The following TMEM132C variants were observed in gnomAD, a reference collection of about 807,000 sequenced individuals.
TMEM132C encodes transmembrane protein 132C.
TMEM132C carries 29 observed loss-of-function variants against 61.4 expected under a neutral mutation model. The observed-to-expected ratio is 0.47, with a 90% CI of 0.35 to 0.64. The LOEUF (loss-of-function observed/expected upper bound fraction) is 0.64. Ranked by LOEUF, TMEM132C falls within the 30% of genes least tolerant of loss-of-function variation. TMEM132C has a pLI of 0.00. For missense variants in TMEM132C, 1,408 were observed against 1,476.9 expected, an observed-to-expected ratio of 0.95 and a Z score of 0.76; for synonymous variants, 656 against 633.1, an observed-to-expected ratio of 1.04 and a Z score of -0.54.
At chr12:128,352,294 G>A (rs1873360962) in intron 1 of TMEM132C, among the ~76,000 whole-genome samples, 1 of 152,178 alleles carries the variant, frequency 6.6e-6, no homozygotes, top group Non-Finnish European at 1.5e-5. Context: ...ATGGCGGCAG[G>A]AAGGAGAAGT....
At chr12:128,458,737 G>A (rs11834645) in intron 2 of TMEM132C, among the ~76,000 whole-genome samples, 7,547 of 152,248 alleles carry the variant, frequency 0.05, 614 homozygotes, top group African/African-American at 0.17. Context: ...ACCATCGCCA[G>A]TTTCAAGCTA....
chr12:128,646,900 A>G (rs1385117496), intron 4 of TMEM132C, among the ~76,000 whole-genome samples: 5 of 129,588 alleles, frequency 3.9e-5, no homozygotes, highest in African/African-American at 3.0e-5. Flanking sequence ...TCAGTGTTGG[A>G]TGTGTGTTTA....
intron 1 of TMEM132C, among the ~76,000 whole-genome samples, chr12:128,343,357 G>A (rs1397825015): frequency 2.6e-5 from 4 of 151,736 alleles, no homozygotes; most frequent in Non-Finnish European, 2.9e-5. Context: ...CTGAGAGGCG[G>A]AGGTTGCAGT....
At chr12:128,360,908 G>T (rs961401637) in intron 1 of TMEM132C, among the ~76,000 whole-genome samples, 2 of 152,144 alleles carry the variant, frequency 1.3e-5, no homozygotes, top group Non-Finnish European at 1.5e-5. Flanking sequence ...CTATTTGCTT[G>T]CAAGCTGAGA....
chr12:128,435,001 A>C (rs181942126), intron 2 of TMEM132C, among the ~76,000 whole-genome samples: 5 of 152,298 alleles, frequency 3.3e-5, no homozygotes, highest in Non-Finnish European at 5.9e-5. Context: ...TTGAAGTCCT[A>C]ACCTCCAGCC....
At chr12:128,350,028 G>A (rs900679339) in intron 1 of TMEM132C, among the ~76,000 whole-genome samples, 12 of 152,158 alleles carry the variant, frequency 7.9e-5, no homozygotes, top group South Asian at 2.1e-4. Context: ...TAAAATAGCC[G>A]CCTGTGAGTT....
intron 1 of TMEM132C, among the ~76,000 whole-genome samples, chr12:128,322,796 T>A (rs948903823): frequency 6.6e-6 from 1 of 152,232 alleles, no homozygotes; most frequent in Non-Finnish European, 1.5e-5. Flanking sequence ...TCTGTTTTCT[T>A]TAAGGTTTCT....
At chr12:128,682,202 A>G (rs572125980) in intron 5 of TMEM132C, among the ~76,000 whole-genome samples, 2 of 152,276 alleles carry the variant, frequency 1.3e-5, no homozygotes, top group African/African-American at 4.8e-5. Context: ...ACCTCTACAC[A>G]GGAGTGGGGC....
chr12:128,388,653 C>T (rs1874666965), intron 1 of TMEM132C, among the ~76,000 whole-genome samples: 1 of 152,344 alleles, frequency 6.6e-6, no homozygotes, highest in Non-Finnish European at 1.5e-5. Context: ...GAGAGGGCCC[C>T]GCAGGCCCTG....
intron 4 of TMEM132C, among the ~76,000 whole-genome samples, chr12:128,622,360 A>AAAAAAAAAAT (rs1277080166): frequency 4.3e-4 from 13 of 30,124 alleles, no homozygotes; most frequent in Non-Finnish European, 4.9e-4. Context: ...AAAAAAAAAA[A>AAAAAAAAAAT]ATATATATAT....
At position 128,326,655 on chromosome 12, in the gene TMEM132C, C is replaced by G. The variant is rs188788179; in HGVS notation, c.85+59168C>G. Among the ~76,000 whole-genome samples the G allele has an allele frequency of 2.0e-3, 307 of 152,208 alleles. No individual in the cohort carries two copies. The highest frequency in any genetic ancestry group is 3.9e-3 in the Non-Finnish European group (265 of 68,012). On this transcript the variant is annotated intron_variant, in intron 1 of 8. Coordinates refer to ENST00000435159, the MANE Select transcript of TMEM132C (RefSeq NM_001136103.3). This position sits in a 1 kb window ranked among gnomAD's most constrained non-coding sequence, Gnocchi z 5.6. ...GCGTGGGTAATTAGACTGTCACTCT[C>G]GAGGAAGGGAACACTGAAGCAGGAT...
intron 4 of TMEM132C, among the ~76,000 whole-genome samples, chr12:128,660,251 T>A (rs1954373309): frequency 6.6e-6 from 1 of 152,196 alleles, no homozygotes; most frequent in African/African-American, 2.4e-5. Context: ...GGCAAGTCAT[T>A]CCTCCTCGTC....
At chr12:128,664,392 A>G (rs913670245) in intron 4 of TMEM132C, among the ~76,000 whole-genome samples, 10 of 152,348 alleles carry the variant, frequency 6.6e-5, no homozygotes, top group Middle Eastern at 3.4e-3. Context: ...TGAAATGACC[A>G]TGATTTAAAG....
intron 5 of TMEM132C, among the ~76,000 whole-genome samples, chr12:128,691,905 C>G (rs61289152): frequency 6.8e-6 from 1 of 147,834 alleles, no homozygotes; most frequent in African/African-American, 2.5e-5. Flanking sequence ...ATCAGTGTGT[C>G]CATCCACCCA....
chr12:128,663,874 ACACATACAGGCACAAG>A (rs1460458550), intron 4 of TMEM132C, among the ~76,000 whole-genome samples: 1 of 144,998 alleles, frequency 6.9e-6, no homozygotes, highest in Non-Finnish European at 1.5e-5. Context: ...ACAGGCACAC[ACACATACAGGCACAAG>A]CACCCACATG....
At chr12:128,293,809 G>A (rs192555458) in intron 1 of TMEM132C, among the ~76,000 whole-genome samples, 6 of 152,224 alleles carry the variant, frequency 3.9e-5, no homozygotes, top group Admixed American at 1.3e-4. Context: ...TTCCCGCATC[G>A]TCTCTGTCAC....
chr12:128,693,256 G>A (rs1262403524), intron 5 of TMEM132C, among the ~76,000 whole-genome samples: 1 of 152,172 alleles, frequency 6.6e-6, no homozygotes, highest in Non-Finnish European at 1.5e-5. Flanking sequence ...ATCCTTGGAG[G>A]CTGGATGGGG....
intron 2 of TMEM132C, among the ~76,000 whole-genome samples, chr12:128,476,271 G>T (rs1871152995): frequency 6.6e-6 from 1 of 152,134 alleles, no homozygotes; most frequent in Non-Finnish European, 1.5e-5. Context: ...AAGCTCCTGG[G>T]AGTCGGAATC....
chr12:128,639,902 AC>A (rs2135599016), intron 4 of TMEM132C, among the ~76,000 whole-genome samples: 1 of 152,394 alleles, frequency 6.6e-6, no homozygotes, highest in Non-Finnish European at 1.5e-5. Context: ...GAAGACTGTT[AC>A]ATGGAAGAAG....
Sources: allele counts gnomAD v4.1 joint callset (sites outside exome capture counted in the v4.1 genomes callset), GRCh38; gene constraint gnomAD v4.1.1; non-coding constraint Gnocchi (gnomAD v3.1); transcripts MANE v1.5; gene names NCBI Gene and HGNC (gene_info 2026-07-23, HGNC 2026-07-21).